The following RGS3 variants were observed in gnomAD, a reference collection of about 807,000 sequenced individuals.
RGS3 encodes regulator of G protein signaling 3.
In RGS3, 80 loss-of-function variants were observed where a neutral mutation model predicts 132.6. The ratio of observed to expected loss-of-function variants is 0.60; its 90% CI spans 0.50 to 0.73. RGS3 has a LOEUF of 0.73. Among genes scored for constraint, RGS3 ranks in the 30% least tolerant of loss-of-function variants. The pLI, the probability that RGS3 is intolerant of heterozygous loss-of-function variation, is 0.00. For missense variants in RGS3, 1,382 were observed against 1,530.8 expected (o/e 0.90, Z 1.62); for synonymous variants, 598 against 620.6 (o/e 0.96, Z 0.54).
At chr9:113,531,953 C>T (rs989219216) in intron 18 of RGS3, among the ~76,000 whole-genome samples, 2 of 152,178 alleles carry the variant, frequency 1.3e-5, no homozygotes, top group African/African-American at 4.8e-5. Context: ...AATTCAGGAG[C>T]AAGGAGGTAA....
exon 20 of RGS3, chr9:113,584,074 G>T: frequency 6.2e-7 from 1 of 1,614,236 alleles, no homozygotes; most frequent in South Asian, 1.1e-5. Context: ...GGCCGAGGAG[G>T]TGGAGGAGGG....
At chr9:113,573,656 G>A (rs1588272719) in intron 19 of RGS3, among the ~76,000 whole-genome samples, 1 of 152,192 alleles carries the variant, frequency 6.6e-6, no homozygotes, top group Non-Finnish European at 1.5e-5. Flanking sequence ...TCCCCACCTG[G>A]AAGGGGACCC....
At chr9:113,490,556 G>A (rs1007663185) in intron 7 of RGS3, among the ~76,000 whole-genome samples, 27 of 142,346 alleles carry the variant, frequency 1.9e-4, no homozygotes, top group African/African-American at 7.3e-4. Context: ...TTGTGGCCAG[G>A]GAACAGACTT....
intron 15 of RGS3, among the ~76,000 whole-genome samples, chr9:113,516,641 G>C (rs1437556990): frequency 6.6e-6 from 1 of 152,174 alleles, no homozygotes; most frequent in Admixed American, 6.5e-5. Flanking sequence ...TTACAGGCAT[G>C]AGCCACCACA....
At chr9:113,594,065 T>A in intron 21 of RGS3, 3 of 1,613,032 alleles carry the variant, frequency 1.9e-6, no homozygotes, top group Non-Finnish European at 2.5e-6. Context: ...CTCCCCCTCC[T>A]GGTCCCTCCC....
intron 7 of RGS3, among the ~76,000 whole-genome samples, chr9:113,488,766 T>G (rs1349767008): frequency 1.3e-5 from 2 of 152,202 alleles, no homozygotes; most frequent in African/African-American, 4.8e-5. Context: ...GATCAGGGCC[T>G]TGGGAGCAGA....
At chr9:113,592,497 C>CA (rs959553337) in intron 21 of RGS3, 2 of 147,060 alleles carry the variant, frequency 1.4e-5, no homozygotes, top group African/African-American at 5.0e-5. Context: ...GAAGCCCACA[C>CA]TTTTTTTTTT....
chr9:113,551,511 G>A (rs1833338142), intron 19 of RGS3, among the ~76,000 whole-genome samples: 1 of 152,158 alleles, frequency 6.6e-6, no homozygotes, highest in Admixed American at 6.6e-5. Context: ...GGGCCAAATG[G>A]TAACTCATGT....
Position 113,591,347 on chromosome 9 carries a change from C to T in RGS3, c.3030C>T (p.Asp1010=). The change falls in exon 21 of 25, where the codon GAC becomes GAT. Residue 1010 remains aspartate (D), a synonymous_variant. Coordinates refer to ENST00000350696, the Ensembl canonical transcript of RGS3. This position sits in a 1 kb window ranked among gnomAD's most constrained non-coding sequence, Gnocchi z 4.4. ...TCTCTCCGCAGATGAGCGGGGCTGA[C>T]ACCGTTGGGGATGATGACGAAGCCT... 1 of 1,613,666 alleles carries T rather than the reference C, an allele frequency of 6.2e-7. No homozygotes were observed. Among genetic ancestry groups the T allele is most frequent in the Non-Finnish European group, 8.5e-7 (1 of 1,179,938 alleles).
At position 113,498,081 on chromosome 9, in the gene RGS3, G is replaced by C; in HGVS notation, c.897+1G>C. The C allele has an allele frequency of 6.2e-7, 1 of 1,613,958 alleles. No individual in the cohort carries two copies. The highest frequency in any genetic ancestry group is 1.1e-5 in the South Asian group (1 of 91,082). On this transcript the variant is annotated splice_donor_variant, in intron 10 of 24. Coordinates refer to ENST00000350696, the Ensembl canonical transcript of RGS3. LOFTEE classifies it high-confidence loss of function. ...CACTGAGAATGGGAAGAAACTAAAG[G>C]TAGGTGGGGACAAGCTAGGGCATTG...
chr9:113,472,338 A>C (rs1255177631), intron 3 of RGS3, among the ~76,000 whole-genome samples: 1 of 152,250 alleles, frequency 6.6e-6, no homozygotes, highest in Non-Finnish European at 1.5e-5. Context: ...TAACGGCATT[A>C]TTCATAGTAG....
intron 19 of RGS3, among the ~76,000 whole-genome samples, chr9:113,562,899 T>G (rs1305480036): frequency 6.6e-6 from 1 of 152,182 alleles, no homozygotes; most frequent in African/African-American, 2.4e-5. Context: ...GTGAAAGATC[T>G]CCAAGGGCCC....
At chr9:113,514,777 A>T in intron 15 of RGS3, 123 bp downstream of exon 13, 1 of 880,864 alleles carries the variant, frequency 1.1e-6, no homozygotes, top group Non-Finnish European at 1.7e-6. Context: ...GGGAAAGATA[A>T]GTAGCTTTAG....
At chr9:113,500,601 C>A (rs1021952322) in intron 10 of RGS3, among the ~76,000 whole-genome samples, 2 of 152,164 alleles carry the variant, frequency 1.3e-5, no homozygotes, top group African/African-American at 4.8e-5. Context: ...ACCTGGAAAT[C>A]CCTTCCACAT....
chr9:113,578,391 A>G (rs1834633787), intron 19 of RGS3, among the ~76,000 whole-genome samples: 1 of 152,210 alleles, frequency 6.6e-6, no homozygotes, highest in Non-Finnish European at 1.5e-5. Flanking sequence ...GGCTAAGGAA[A>G]CTGAGGCACA....
intron 4 of RGS3, 175 bp from the exon 3 acceptor site, chr9:113,482,884 T>G (rs1161477998): frequency 6.9e-7 from 1 of 1,458,514 alleles, no homozygotes; most frequent in Non-Finnish European, 9.0e-7. Context: ...CCAATGGTGG[T>G]TATGCAGATT....
Position 113,538,756 on chromosome 9 carries a change from C to T in RGS3, c.2037+1838C>T, listed in dbSNP as rs544279546. Among the ~76,000 whole-genome samples, 19 of 152,256 alleles carry T rather than the reference C, an allele frequency of 1.2e-4. No individual in the cohort carries two copies. The South Asian group carries it at 1.7e-3, about 13-fold the overall frequency. On this transcript the variant is annotated intron_variant, in intron 19 of 24. Coordinates refer to ENST00000350696, the Ensembl canonical transcript of RGS3. The stretch of plus-strand genomic sequence containing the variant: ...CCTCTTCAAATCCAAACTCTTCAAA[C>T]GCGTGTTCCATGGAGAAGCTGTGTG...
intron 20 of RGS3, chr9:113,589,282 C>T (rs993485841): frequency 2.0e-5 from 3 of 152,248 alleles, no homozygotes; most frequent in African/African-American, 7.2e-5. Flanking sequence ...AGGCCAAAGC[C>T]TCCCTGCAGC....
In RGS3 at chr9:113,506,497, AC is replaced by A. The variant is rs1358009052; in HGVS notation, c.1085+5del. On this transcript the variant is annotated splice_donor_5th_base_variant and intron_variant, in intron 12 of 24. Coordinates refer to ENST00000350696, the Ensembl canonical transcript of RGS3. This position sits in a 1 kb window ranked among gnomAD's most constrained non-coding sequence, Gnocchi z 4.7. ...TGGAGCTGGCCCACGAGATCCGGTG[AC>A]AGGGGACAGCGGGTGGCCTGGGGCC... is the stretch of plus-strand genomic sequence containing the variant. 3 of 1,574,536 alleles carry A rather than the reference AC, an allele frequency of 1.9e-6. No homozygotes were observed. The highest frequency in any genetic ancestry group is 2.6e-6 in the Non-Finnish European group (3 of 1,158,230).
Sources: gnomAD v4.1 joint callset for allele counts (sites outside exome capture counted in the v4.1 genomes callset) on GRCh38, gnomAD v4.1.1 for gene constraint, Gnocchi (gnomAD v3.1) non-coding constraint, MANE v1.5 for transcripts, NCBI Gene and HGNC (gene_info 2026-07-23, HGNC 2026-07-21) for gene names.